The following PXYLP1 variants were observed in gnomAD, a reference collection of about 807,000 sequenced individuals.
PXYLP1 encodes the protein 2-phosphoxylose phosphatase 1.
PXYLP1 carries 17 observed loss-of-function variants against 37.9 expected under a neutral mutation model. That is an observed-to-expected ratio of 0.45 (90% CI 0.31 to 0.67). The LOEUF (loss-of-function observed/expected upper bound fraction) is 0.67. Among genes scored for constraint, PXYLP1 ranks in the 30% least tolerant of loss-of-function variants. The pLI is 0.07. For missense variants in PXYLP1, 511 were observed against 612.0 expected (o/e 0.84, Z 1.74); for synonymous variants, 221 against 232.2 (o/e 0.95, Z 0.44).
At chr3:141,257,241 C>G (rs1469153059) in intron 1 of PXYLP1, among the ~76,000 whole-genome samples, 6 of 152,200 alleles carry the variant, frequency 3.9e-5, no homozygotes, top group Admixed American at 6.5e-5. Context: ...AAGGGAGCCT[C>G]AGCAGGGACT....
In PXYLP1 at chr3:141,292,673, A is replaced by G; in HGVS notation, c.911A>G (p.His304Arg). The G allele has an allele frequency of 6.2e-7, 1 of 1,613,712 alleles. No individual in the cohort carries two copies. The highest frequency in any genetic ancestry group is 8.5e-7 in the Non-Finnish European group (1 of 1,179,784). ...PIDSMLCHFC[H>R]NVSFPCTRNG... ...GACTCCATGCTCTGCCACTTCTGCCACAATGTCAGCTTTCCCTGTACCAGA... is the reference window on the plus strand; with the variant it reads ...GACTCCATGCTCTGCCACTTCTGCCGCAATGTCAGCTTTCCCTGTACCAGA... The change falls in exon 6 of 6, where the codon CAC becomes CGC. Residue 304 changes from histidine (H) to arginine (R), a missense_variant. Transcript: ENST00000286353. The surrounding 1 kb of genome is among the most constrained non-coding windows in gnomAD (Gnocchi z 4.3).
chr3:141,268,860 T>C (rs1417842728), intron 2 of PXYLP1, among the ~76,000 whole-genome samples: 4 of 152,214 alleles, frequency 2.6e-5, no homozygotes, highest in Admixed American at 6.5e-5. Context: ...GTGGCTGGGA[T>C]GCATGGCCCC....
intron 1 of PXYLP1, among the ~76,000 whole-genome samples, chr3:141,237,246 C>G (rs1319259126): frequency 1.3e-5 from 2 of 152,190 alleles, no homozygotes; most frequent in Non-Finnish European, 2.9e-5. Flanking sequence ...TTGGTTTTCT[C>G]TAAAACTTTC....
chr3:141,253,768 G>A (rs1941197592), intron 1 of PXYLP1, among the ~76,000 whole-genome samples: 1 of 150,240 alleles, frequency 6.7e-6, no homozygotes, highest in South Asian at 2.1e-4. Context: ...TCAAGGATCT[G>A]TCACCCTGCT....
Position 141,238,201 on chromosome 3 carries a change from C to T in PXYLP1, c.-54+6290C>T, listed in dbSNP as rs575696618. On this transcript the variant is annotated intron_variant, in intron 1 of 5. Transcript: ENST00000286353. Reference sequence around the variant, plus strand: ...AGAACACTGCATTTCCTGTGTCTGCCGTAGCTAGAAACTTCTTGACCCAAA... The same window carrying T: ...AGAACACTGCATTTCCTGTGTCTGCTGTAGCTAGAAACTTCTTGACCCAAA... Among the ~76,000 whole-genome samples the T allele has an allele frequency of 2.6e-5, 4 of 152,294 alleles. No individual in the cohort carries two copies. In the East Asian group the frequency reaches 5.8e-4, roughly 22 times the overall value.
At chr3:141,267,870 T>TCCCTCTCCCTCTCTCC (rs1559888742) in intron 2 of PXYLP1, among the ~76,000 whole-genome samples, 1 of 149,758 alleles carries the variant, frequency 6.7e-6, no homozygotes, top group African/African-American at 2.5e-5. Context: ...TCCCTCTCTG[T>TCCCTCTCCCTCTCTCC]CTCTCTCCCT....
At chr3:141,282,842 G>T (rs938071) in intron 4 of PXYLP1, among the ~76,000 whole-genome samples, 68,284 of 152,108 alleles carry the variant, frequency 0.45, 17,948 homozygotes, top group South Asian at 0.6. Context: ...CTGGCTGGTG[G>T]TGGTACCCCT....
rs770925478 is a variant in PXYLP1 at position 141,293,203 on chromosome 3, T to C, written c.1441T>C (p.Ter481GlnextTer8). Reference sequence around the variant, plus strand: ...TGATGCATGTCACAGGGAAGGATTCTAAAAGGTATGCAGTACAGCAGTATA... The same window carrying C: ...TGATGCATGTCACAGGGAAGGATTCCAAAAGGTATGCAGTACAGCAGTATA... ...YYDACHREGF* is the reference protein window; with the variant it reads ...YYDACHREGFQ The change falls in exon 6 of 6, where the codon TAA becomes CAA. Residue 481 changes from the stop codon to glutamine, a stop_lost. Transcript: ENST00000286353. The C allele has an allele frequency of 3.7e-5, 59 of 1,612,070 alleles. No individual in the cohort carries two copies. The highest frequency in any genetic ancestry group is 4.9e-5 in the Non-Finnish European group (58 of 1,179,086).
rs1010707046 is a variant in PXYLP1 at position 141,292,179 on chromosome 3, A to T, written c.506-89A>T. On this transcript the variant is annotated intron_variant, in intron 5 of 5. Coordinates refer to ENST00000286353, the MANE Select transcript of PXYLP1 (RefSeq NM_001037172.3). The surrounding 1 kb of genome is among the most constrained non-coding windows in gnomAD (Gnocchi z 4.3). ...GGATGCCATTCTCTTGCCCTAAAAC[A>T]CTCCAGAGCCACACGCTGACTCCAC... is the stretch of plus-strand genomic sequence containing the variant. 5.4e-6 allele frequency: 7 copies of T among 1,295,766 alleles called. No individual in the cohort carries two copies. In the African/African-American group the frequency reaches 1.0e-4, roughly 19 times the overall value. The allele number at this position is 1,295,766 out of a possible 1,614,324, so 80.3% of individuals were successfully genotyped here. A position where few individuals can be genotyped will look rare whatever the true frequency, so the allele number is the denominator to read the frequency against.
intron 2 of PXYLP1, among the ~76,000 whole-genome samples, chr3:141,277,692 C>A (rs1305667113): frequency 6.6e-6 from 1 of 152,196 alleles, no homozygotes; most frequent in East Asian, 1.9e-4. Context: ...GGTGAAGGGT[C>A]AGCTCACTAA....
chr3:141,260,485 A>G (rs1941366506), intron 2 of PXYLP1, among the ~76,000 whole-genome samples: 2 of 152,160 alleles, frequency 1.3e-5, no homozygotes, highest in Admixed American at 1.3e-4. Context: ...TTATTCCCAG[A>G]TTTTTTGTTC....
chr3:141,263,397 G>C (rs775020480), intron 2 of PXYLP1, among the ~76,000 whole-genome samples: 1 of 152,176 alleles, frequency 6.6e-6, no homozygotes, highest in Non-Finnish European at 1.5e-5. Flanking sequence ...TTTGTGTTTG[G>C]AAGGTGAAAC....
chr3:141,271,687 G>A (rs2148793534), intron 2 of PXYLP1, among the ~76,000 whole-genome samples: 1 of 152,318 alleles, frequency 6.6e-6, no homozygotes, highest in Middle Eastern at 3.4e-3. Context: ...ACACAAGCAT[G>A]GGGATGGCAG....
chr3:141,260,271 C>A lies in PXYLP1; in HGVS notation c.79+17C>A. On this transcript the variant is annotated intron_variant, in intron 2 of 5. Transcript: ENST00000286353. ...TGCAGTTCTGTGAGTAGAGCCGGGC[C>A]CCGCAGGTCGTGGGAGGGTAGGGGC... The A allele has an allele frequency of 1.2e-6, 2 of 1,611,138 alleles. No homozygotes were observed. The highest frequency in any genetic ancestry group is 8.5e-7 in the Non-Finnish European group (1 of 1,179,968).
chr3:141,240,875 T>G (rs1940780818), intron 1 of PXYLP1, among the ~76,000 whole-genome samples: 1 of 152,174 alleles, frequency 6.6e-6, no homozygotes. Flanking sequence ...AGGCCCTCAT[T>G]ATCCCCCTGT....
chr3:141,257,731 G>A (rs1270794720), intron 1 of PXYLP1, among the ~76,000 whole-genome samples: 3 of 151,872 alleles, frequency 2.0e-5, no homozygotes, highest in Non-Finnish European at 4.4e-5. Flanking sequence ...GTGAAACCCT[G>A]TCTCTACTAA....
chr3:141,269,055 G>T (rs1941601251), intron 2 of PXYLP1, among the ~76,000 whole-genome samples: 1 of 152,260 alleles, frequency 6.6e-6, no homozygotes, highest in Non-Finnish European at 1.5e-5. Context: ...TGAGAGTGCA[G>T]GCCCCACCCT....
rs543259066 is a variant in PXYLP1 at position 141,293,359 on chromosome 3, T to C, written c.*154T>C. 1.1e-4 allele frequency: 84 copies of C among 767,296 alleles called. No individual in the cohort carries two copies. In the Admixed American group the frequency reaches 2.4e-3, roughly 22 times the overall value. 47.5% of individuals were successfully genotyped at this position (767,296 alleles called of 1,614,324 possible). On this transcript the variant is annotated 3_prime_UTR_variant, in exon 6 of 6. Transcript: ENST00000286353. Reference sequence around the variant, plus strand: ...ACCACAGATGGTTGGGGTTGAACAGTAAGCACATTGCTGCAATGTGGTACG... The same window carrying C: ...ACCACAGATGGTTGGGGTTGAACAGCAAGCACATTGCTGCAATGTGGTACG...
chr3:141,274,907 G>A (rs1318381393), intron 2 of PXYLP1, among the ~76,000 whole-genome samples: 1 of 152,180 alleles, frequency 6.6e-6, no homozygotes, highest in Non-Finnish European at 1.5e-5. Context: ...AGAGTTGCCA[G>A]CAAACGGTGG....
Sources: gnomAD v4.1 joint callset for allele counts (sites outside exome capture counted in the v4.1 genomes callset) on GRCh38, gnomAD v4.1.1 for gene constraint, Gnocchi (gnomAD v3.1) non-coding constraint, MANE v1.5 for transcripts, NCBI Gene and HGNC (gene_info 2026-07-23, HGNC 2026-07-21) for gene names.